Variants in VAC14 observed in about 807,000 individuals in gnomAD.
VAC14 encodes the protein protein VAC14 homolog.
In VAC14, 47 loss-of-function variants were observed where a neutral mutation model predicts 85.3. The ratio of observed to expected loss-of-function variants is 0.55; its 90% CI spans 0.44 to 0.70. VAC14 has a LOEUF of 0.70. Ranked by LOEUF, VAC14 falls within the 30% of genes least tolerant of loss-of-function variation. The probability of loss-of-function intolerance (pLI) is 0.00; values close to 1 mark genes in which losing one functional copy is unlikely to be tolerated. For missense variants in VAC14, 861 were observed against 1,004.3 expected (o/e 0.86, Z 1.93); for synonymous variants, 447 against 430.5 (o/e 1.04, Z -0.47).
intron 10 of VAC14, chr16:70,766,401 G>C: frequency 2.2e-6 from 1 of 444,582 alleles, no homozygotes. Context: ...TATGTGAACT[G>C]GCAGCATTTC....
intron 7 of VAC14, among the ~76,000 whole-genome samples, chr16:70,782,520 A>G (rs1241961132): frequency 2.0e-5 from 3 of 152,248 alleles, no homozygotes; most frequent in Non-Finnish European, 4.4e-5. Context: ...ACTGCCAGAC[A>G]TAAGTGAGGC....
In VAC14 at chr16:70,687,524, T is replaced by TAC. The variant is rs3833084; in HGVS notation, c.*402_*403dup. On this transcript the variant is annotated 3_prime_UTR_variant, in exon 19 of 19. Coordinates refer to ENST00000261776, the MANE Select transcript of VAC14 (RefSeq NM_018052.5). ...GTGCTGGTGCCTACGTGCATACAAG[T>TAC]ACACACACACACACACACACACAGG... The TAC allele has an allele frequency of 0.024, 3,758 of 154,246 alleles. 69 individuals are homozygous for TAC. Among genetic ancestry groups the TAC allele is most frequent in the African/African-American group, 0.054 (2,189 of 40,590 alleles). The allele number at this position is 154,246 out of a possible 1,614,324, so 9.6% of individuals were successfully genotyped here.
At chr16:70,706,731 A>T (rs2053927095) in intron 14 of VAC14, among the ~76,000 whole-genome samples, 1 of 152,128 alleles carries the variant, frequency 6.6e-6, no homozygotes, top group Non-Finnish European at 1.5e-5. Flanking sequence ...ACCTCAAGTG[A>T]TCCACCCGCC....
intron 12 of VAC14, among the ~76,000 whole-genome samples, chr16:70,760,099 G>A (rs1324712451): frequency 6.6e-6 from 1 of 152,172 alleles, no homozygotes; most frequent in Non-Finnish European, 1.5e-5. Context: ...CCTGTGCCGC[G>A]GGGCTGCCTA....
chr16:70,775,808 A>C (rs913134184), intron 9 of VAC14, among the ~76,000 whole-genome samples: 6 of 152,270 alleles, frequency 3.9e-5, no homozygotes, highest in African/African-American at 1.4e-4. Context: ...AATTGGCCTC[A>C]AATTAATTTA....
chr16:70,730,446 C>A (rs1036860586), intron 14 of VAC14, among the ~76,000 whole-genome samples: 33 of 152,020 alleles, frequency 2.2e-4, no homozygotes, highest in African/African-American at 7.5e-4. Context: ...AAGCCCCATA[C>A]AGCCTAGGCC....
chr16:70,758,217 A>G (rs1458612020), intron 12 of VAC14, among the ~76,000 whole-genome samples: 2 of 152,232 alleles, frequency 1.3e-5, no homozygotes, highest in East Asian at 3.8e-4. Context: ...TTCCCCCAAC[A>G]TACTTGTAAC....
chr16:70,767,832 C>T (rs893994705), intron 10 of VAC14, among the ~76,000 whole-genome samples: 4 of 152,166 alleles, frequency 2.6e-5, no homozygotes, highest in Admixed American at 2.6e-4. Context: ...AAAGTGCTTT[C>T]TGCGGCCCAG....
At chr16:70,713,224 G>A (rs1032249955) in intron 14 of VAC14, among the ~76,000 whole-genome samples, 8 of 152,140 alleles carry the variant, frequency 5.3e-5, no homozygotes, top group African/African-American at 1.2e-4. Context: ...AAATAGAATC[G>A]CCAGCAGATG....
chr16:70,717,946 C>A lies in VAC14; in HGVS notation c.1661+13549G>T, dbSNP rs2054202786. Among the ~76,000 whole-genome samples, 2 of 152,238 alleles carry A rather than the reference C, an allele frequency of 1.3e-5. 1 individual carries two copies. Among genetic ancestry groups the A allele is most frequent in the South Asian group, 4.1e-4 (2 of 4,832 alleles). On this transcript the variant is annotated intron_variant, in intron 14 of 18. Transcript: ENST00000261776. ...GGGATTACTGGCATGAGCCACCGCG[C>A]CCGGCCTTGAGTATTCATCTGAATG...
intron 9 of VAC14, among the ~76,000 whole-genome samples, chr16:70,776,684 C>A (rs536537782): frequency 6.6e-6 from 1 of 152,254 alleles, no homozygotes; most frequent in Admixed American, 6.5e-5. Context: ...TGTACCTCAG[C>A]AAACTGAGTA....
chr16:70,749,980 C>T (rs1157742376), intron 12 of VAC14, among the ~76,000 whole-genome samples: 3 of 152,262 alleles, frequency 2.0e-5, no homozygotes, highest in East Asian at 1.9e-4. Context: ...CTTCCAGCTG[C>T]ACCTGGCTTT....
intron 1 of VAC14, among the ~76,000 whole-genome samples, chr16:70,793,644 TC>T (rs1485279333): frequency 6.6e-6 from 1 of 152,200 alleles, no homozygotes; most frequent in Non-Finnish European, 1.5e-5. Flanking sequence ...CCAACCTCTG[TC>T]CTAGGTGGCA....
intron 10 of VAC14, chr16:70,771,216 G>A (rs569029129): frequency 6.6e-6 from 1 of 152,382 alleles, no homozygotes; most frequent in South Asian, 2.1e-4. Context: ...GGAGTATGGA[G>A]GGAGCCCCAA....
chr16:70,800,953 C>T lies in VAC14; in HGVS notation c.-53G>A. Reference sequence around the variant, plus strand: ...CCTTAGCCCGCGGCTGCCGGGGCCGCGCCGGGGCCAGGGGAGTCTGCGGCT... The same window carrying T: ...CCTTAGCCCGCGGCTGCCGGGGCCGTGCCGGGGCCAGGGGAGTCTGCGGCT... On this transcript the variant is annotated 5_prime_UTR_variant, in exon 1 of 19. Transcript: ENST00000261776. 1 of 1,409,278 alleles carries T rather than the reference C, an allele frequency of 7.1e-7. No homozygotes were observed. The highest frequency in any genetic ancestry group is 9.6e-7 in the Non-Finnish European group (1 of 1,046,114). 87.3% of individuals were successfully genotyped at this position (1,409,278 alleles called of 1,614,324 possible). A position where few individuals can be genotyped will look rare whatever the true frequency, so the allele number is the denominator to read the frequency against.
intron 9 of VAC14, 87 bp downstream of exon 9, chr16:70,780,703 T>C (rs781682631): frequency 2.4e-5 from 35 of 1,485,104 alleles, no homozygotes; most frequent in Non-Finnish European, 2.9e-5. Flanking sequence ...TCCTGGTTGC[T>C]TAAGTGAGGC....
At chr16:70,766,357 A>G in intron 10 of VAC14, 1 of 398,392 alleles carries the variant, frequency 2.5e-6, no homozygotes, top group Non-Finnish European at 5.1e-6. Context: ...GTGCTGTGTC[A>G]GGGCCAAAGA....
intron 13 of VAC14, among the ~76,000 whole-genome samples, chr16:70,740,679 T>C (rs1204783842): frequency 6.6e-6 from 1 of 151,950 alleles, no homozygotes; most frequent in Non-Finnish European, 1.5e-5. Context: ...GACAGGAAAG[T>C]GTGGTGTCCC....
intron 12 of VAC14, chr16:70,761,016 TGTGCATGGGG>T (rs1184163749): frequency 5.3e-5 from 16 of 300,908 alleles, no homozygotes; most frequent in Middle Eastern, 1.1e-3. Flanking sequence ...TGTGTGTGTG[TGTGCATGGGG>T]GGGCGGGGGG....
Sources: allele counts gnomAD v4.1 joint callset (sites outside exome capture counted in the v4.1 genomes callset), GRCh38; gene constraint gnomAD v4.1.1; transcripts MANE v1.5; gene names NCBI Gene and HGNC (gene_info 2026-07-23, HGNC 2026-07-21).